Variants in PPP3CB observed in about 807,000 individuals in gnomAD.
PPP3CB encodes the protein protein phosphatase 3 catalytic subunit beta, also known as serine/threonine-protein phosphatase 2B catalytic subunit beta isoform.
A neutral mutation model predicts 66.4 loss-of-function variants in PPP3CB; 8 were observed. The observed-to-expected ratio is 0.12, with a 90% CI of 0.07 to 0.22. The LOEUF (loss-of-function observed/expected upper bound fraction) is 0.22. Among genes scored for constraint, PPP3CB ranks in the 10% least tolerant of loss-of-function variants. The probability of loss-of-function intolerance (pLI) is 1.00; values close to 1 mark genes in which losing one functional copy is unlikely to be tolerated. For synonymous variants in PPP3CB, 208 were observed against 221.2 expected, an observed-to-expected ratio of 0.94 and a Z score of 0.53; for missense variants, 319 against 642.5, an observed-to-expected ratio of 0.50 and a Z score of 5.44.
intron 10 of PPP3CB, among the ~76,000 whole-genome samples, chr10:73,452,170 TAA>T (rs970208978): frequency 6.6e-6 from 1 of 151,890 alleles, no homozygotes; most frequent in Non-Finnish European, 1.5e-5. Flanking sequence ...GAAAACTTTC[TAA>T]AAAAAAGTAG....
intron 1 of PPP3CB, among the ~76,000 whole-genome samples, chr10:73,485,542 T>A (rs1228611235): frequency 6.6e-6 from 1 of 152,218 alleles, no homozygotes; most frequent in Non-Finnish European, 1.5e-5. Context: ...GTTAATCTCA[T>A]CATGCTTCCC....
intron 1 of PPP3CB, 122 bp downstream of exon 1, chr10:73,495,670 GGGCCACTCCCCAA>G: frequency 7.5e-7 from 1 of 1,329,628 alleles, no homozygotes; most frequent in Non-Finnish European, 9.8e-7. Context: ...GCCCGCCCAG[GGGCCACTCCCCAA>G]GGGAGGCAGC....
chr10:73,473,124 G>A (rs1033187182), intron 4 of PPP3CB, among the ~76,000 whole-genome samples: 2 of 152,130 alleles, frequency 1.3e-5, no homozygotes, highest in African/African-American at 4.8e-5. Context: ...CTGCTTTTAG[G>A]TCAAGCATGC....
At chr10:73,488,790 C>A (rs562032526) in intron 1 of PPP3CB, among the ~76,000 whole-genome samples, 6 of 152,248 alleles carry the variant, frequency 3.9e-5, no homozygotes, top group African/African-American at 1.2e-4. Flanking sequence ...TATCACCATT[C>A]TCTATCACTC....
intron 1 of PPP3CB, among the ~76,000 whole-genome samples, chr10:73,494,200 A>T (rs2057129493): frequency 6.6e-6 from 1 of 152,158 alleles, no homozygotes; most frequent in Non-Finnish European, 1.5e-5. Flanking sequence ...GGATTCCATA[A>T]ACTCGTTATT....
intron 10 of PPP3CB, among the ~76,000 whole-genome samples, chr10:73,450,680 T>C (rs1460294490): frequency 1.3e-5 from 2 of 152,220 alleles, no homozygotes; most frequent in African/African-American, 4.8e-5. Context: ...TATTTTCCCA[T>C]AGAAACATTG....
Position 73,495,908 on chromosome 10 carries a change from C to A in PPP3CB, c.-19G>T. 6.7e-6 allele frequency: 4 copies of A among 593,886 alleles called. No homozygotes were observed. Among genetic ancestry groups the A allele is most frequent in the Admixed American group, 5.5e-5 (1 of 18,298 alleles). 36.8% of individuals were successfully genotyped at this position (593,886 alleles called of 1,614,324 possible). A position where few individuals can be genotyped will look rare whatever the true frequency, so the allele number is the denominator to read the frequency against. On this transcript the variant is annotated 5_prime_UTR_variant, in exon 1 of 14. Coordinates refer to ENST00000360663, the MANE Select transcript of PPP3CB (RefSeq NM_021132.4). ...CGGCCATGCTGGGCCCGGGGCTCGGCTAGGCTCTGGGCCGGGCGGGGTTGG... is the reference window on the plus strand; with the variant it reads ...CGGCCATGCTGGGCCCGGGGCTCGGATAGGCTCTGGGCCGGGCGGGGTTGG...
At chr10:73,438,996 G>C (rs1302135724) in intron 13 of PPP3CB, among the ~76,000 whole-genome samples, 3 of 152,208 alleles carry the variant, frequency 2.0e-5, no homozygotes, top group Non-Finnish European at 4.4e-5. Context: ...CCAAGAGTTA[G>C]ATCTGTGTAT....
intron 8 of PPP3CB, among the ~76,000 whole-genome samples, chr10:73,468,329 A>G (rs2132913025): frequency 6.6e-6 from 1 of 152,312 alleles, no homozygotes; most frequent in East Asian, 1.9e-4. Context: ...AAATGCAGGT[A>G]TCTAATGTTT....
At chr10:73,441,920 T>C (rs574906310) in intron 12 of PPP3CB, among the ~76,000 whole-genome samples, 3 of 152,334 alleles carry the variant, frequency 2.0e-5, no homozygotes, top group Admixed American at 6.5e-5. Flanking sequence ...TTCTGACAAA[T>C]AGGCACGAGG....
chr10:73,462,262 A>G (rs111539557), intron 9 of PPP3CB, among the ~76,000 whole-genome samples: 7,465 of 150,212 alleles, frequency 0.05, 563 homozygotes, highest in African/African-American at 0.16. Context: ...AGGCTCAAGC[A>G]ATCCTTTCAC....
intron 9 of PPP3CB, among the ~76,000 whole-genome samples, chr10:73,461,721 C>T (rs1038734859): frequency 6.6e-6 from 1 of 152,040 alleles, no homozygotes; most frequent in African/African-American, 2.4e-5. Context: ...GAACCATTGG[C>T]AGGAGATGAT....
At chr10:73,448,526 T>C (rs1204840153) in intron 10 of PPP3CB, 4 of 414,104 alleles carry the variant, frequency 9.7e-6, no homozygotes, top group African/African-American at 2.0e-5. Context: ...CTAACACAGA[T>C]AAAACTTAAG....
At chr10:73,473,063 G>A (rs1427378529) in intron 4 of PPP3CB, among the ~76,000 whole-genome samples, 1 of 152,268 alleles carries the variant, frequency 6.6e-6, no homozygotes, top group Non-Finnish European at 1.5e-5. Context: ...CTGGCAGTCT[G>A]CTAACGACTC....
chr10:73,484,187 A>G (rs1456947462), intron 1 of PPP3CB, among the ~76,000 whole-genome samples: 1 of 152,164 alleles, frequency 6.6e-6, no homozygotes, highest in African/African-American at 2.4e-5. Context: ...CAACTCCTAA[A>G]GCATTTTAAA....
At chr10:73,494,997 A>T (rs75317215) in intron 1 of PPP3CB, among the ~76,000 whole-genome samples, 6,790 of 152,224 alleles carry the variant, frequency 0.045, 460 homozygotes, top group African/African-American at 0.15. Flanking sequence ...TAATCTGCTG[A>T]CCTGTTGTGG....
chr10:73,440,009 C>T lies in PPP3CB; in HGVS notation c.1367-108G>A, dbSNP rs1435405226. On this transcript the variant is annotated intron_variant, in intron 12 of 13. Coordinates refer to ENST00000360663, the MANE Select transcript of PPP3CB (RefSeq NM_021132.4). ...ACTTAAAATATCACAGTATCCCATA[C>T]TACATCATCATTTAAAATTTAACAT... 1.2e-5 allele frequency: 13 copies of T among 1,129,916 alleles called. No individual in the cohort carries two copies. In the East Asian group the frequency reaches 1.7e-4, roughly 15 times the overall value. 70.0% of individuals were successfully genotyped at this position (1,129,916 alleles called of 1,614,324 possible).
In PPP3CB at chr10:73,485,908, TTGTGTGTGTG is replaced by T. The variant is rs57190155; in HGVS notation, c.86-6401_86-6392del. ...GGCACACACCACCACACCTGGCTAATTGTGTGTGTGTGTGTGTGTGTGTGTGTGTGTGTGT... is the reference window on the plus strand; with the variant it reads ...GGCACACACCACCACACCTGGCTAATTGTGTGTGTGTGTGTGTGTGTGTGT... On this transcript the variant is annotated intron_variant, in intron 1 of 13. Transcript: ENST00000360663. Among the ~76,000 whole-genome samples the T allele has an allele frequency of 5.6e-3, 676 of 121,326 alleles. 11 individuals are homozygous for T. The East Asian group carries it at 0.058, about 10-fold the overall frequency. The allele number at this position is 121,326 out of a possible 152,430, so 79.6% of individuals were successfully genotyped here.
At position 73,493,979 on chromosome 10, in the gene PPP3CB, T is replaced by C. The variant is rs143661780; in HGVS notation, c.85+1826A>G. ...ATAAGAAGATTCACAAACGTAAGGA[T>C]AGCATAAACTCATTGTTCAGGAATG... On this transcript the variant is annotated intron_variant, in intron 1 of 13. Transcript: ENST00000360663. Among the ~76,000 whole-genome samples the C allele has an allele frequency of 2.6e-5, 4 of 152,290 alleles. No homozygotes were observed. The East Asian group carries it at 5.8e-4, about 22-fold the overall frequency.
Sources: gnomAD v4.1 joint callset for allele counts (sites outside exome capture counted in the v4.1 genomes callset) on GRCh38, gnomAD v4.1.1 for gene constraint, MANE v1.5 for transcripts, NCBI Gene and HGNC (gene_info 2026-07-23, HGNC 2026-07-21) for gene names.